HERC5: variants seen among roughly 807,000 people sequenced by gnomAD.
HERC5 encodes HECT and RLD domain containing E3 ubiquitin protein ligase 5.
Under a neutral mutation model 119.6 loss-of-function variants are expected in HERC5, and 99 were observed. The ratio of observed to expected loss-of-function variants is 0.83; its 90% CI spans 0.70 to 0.98. The LOEUF is 0.98. Ranked by LOEUF, HERC5 falls within the 50% of genes least tolerant of loss-of-function variation. The pLI is 0.00. For missense variants in HERC5, 1,267 were observed against 1,241.3 expected (o/e 1.02, Z -0.31); for synonymous variants, 478 against 445.9 (o/e 1.07, Z -0.91).
chr4:88,457,511 G>C lies in HERC5; in HGVS notation c.242G>C (p.Gly81Ala), dbSNP rs1056331994. The change falls in exon 1 of 23, where the codon GGG becomes GCG. Residue 81 changes from glycine (G) to alanine (A), a missense_variant. Around this residue, in one of 3 missense-constraint regions of HERC5, gnomAD observed 777 missense variants for 758.0 expected, o/e 1.03. Transcript: ENST00000264350. ...AGVQVHQLLA[G>A]SGGARTPKCI... ...GTCCAGGTTCACCAGCTGCTCGCCG[G>C]GAGCGGCGGCGCCCGGACGCCGAGT... 21 of 1,283,766 alleles carry C rather than the reference G, an allele frequency of 1.6e-5. No homozygotes were observed. The highest frequency in any genetic ancestry group is 1.6e-5 in the Non-Finnish European group (16 of 1,015,646). 79.5% of individuals were successfully genotyped at this position (1,283,766 alleles called of 1,614,324 possible). A position where few individuals can be genotyped will look rare whatever the true frequency, so the allele number is the denominator to read the frequency against.
intron 2 of HERC5, 99 bp downstream of exon 2, chr4:88,459,569 T>C (rs566131974): frequency 1.1e-4 from 79 of 732,278 alleles, no homozygotes; most frequent in Non-Finnish European, 1.4e-4. Context: ...CTTTATATAG[T>C]AGCATCTTAA....
Position 88,462,207 on chromosome 4 carries a change from C to A in HERC5, c.539C>A (p.Thr180Asn), listed in dbSNP as rs1740467323. 1.2e-6 allele frequency: 2 copies of A among 1,614,040 alleles called. No homozygotes were observed. The highest frequency in any genetic ancestry group is 2.7e-5 in the African/African-American group (2 of 74,914). Residue 180 changes from threonine to asparagine, a missense_variant, in exon 4 of 23, where the codon ACC becomes AAC. By Grantham distance (65) the Thr-to-Asn change is moderately conservative. Around this residue, in one of 3 missense-constraint regions of HERC5, gnomAD observed 777 missense variants for 758.0 expected, o/e 1.03. Coordinates refer to ENST00000264350, the MANE Select transcript of HERC5 (RefSeq NM_016323.4). ...GTTGGAAGGAAATTTCCCTCAACCA[C>A]CACACCACAGATTGTGGAGCACCTC... is the stretch of plus-strand genomic sequence containing the variant. ...LGVGRKFPST[T>N]TPQIVEHLAG...
Position 88,486,142 on chromosome 4 carries a change from G to A in HERC5, c.1765G>A (p.Glu589Lys), listed in dbSNP as rs1282852824. The change falls in exon 14 of 23, where the codon GAA (glutamate) becomes AAA (lysine). Residue 589 changes from glutamate (E) to lysine (K), a missense_variant. Physicochemically the swap from Glu to Lys is moderately conservative, Grantham distance 56. Transcript: ENST00000264350. ...AAACCAGGTGAAATGTCAACTACCT[G>A]AAAGTATTTTCCAAGTAGACGAACT... ...RVNQVKCQLPESIFQVDELLH... is the reference protein window; with the variant it reads ...RVNQVKCQLPKSIFQVDELLH... 2 of 1,611,330 alleles carry A rather than the reference G, an allele frequency of 1.2e-6. No individual in the cohort carries two copies. Among genetic ancestry groups the A allele is most frequent in the African/African-American group, 2.7e-5 (2 of 74,858 alleles).
At chr4:88,469,089 C>A in intron 8 of HERC5, 68 bp from the exon 9 acceptor site, 2 of 955,910 alleles carry the variant, frequency 2.1e-6, no homozygotes, top group Non-Finnish European at 1.7e-6. Flanking sequence ...CTAGAGTGTA[C>A]CTAAAAGTTG....
At chr4:88,469,301 C>T in intron 9 of HERC5, 41 bp downstream of exon 9, 1 of 1,344,798 alleles carries the variant, frequency 7.4e-7, no homozygotes, top group South Asian at 1.2e-5. Context: ...ATATCACTCT[C>T]AAGTATCATT....
chr4:88,475,569 G>A (rs1164899763), intron 11 of HERC5, among the ~76,000 whole-genome samples: 1 of 151,712 alleles, frequency 6.6e-6, no homozygotes, highest in African/African-American at 2.4e-5. Context: ...TGCCTGCCTC[G>A]GCCTCCCAAA....
chr4:88,487,791 G>A (rs1207876655), intron 15 of HERC5, among the ~76,000 whole-genome samples: 1 of 152,066 alleles, frequency 6.6e-6, no homozygotes, highest in Non-Finnish European at 1.5e-5. Flanking sequence ...TAGTAAAATT[G>A]GGCAATTGAA....
intron 6 of HERC5, among the ~76,000 whole-genome samples, chr4:88,464,778 TA>T (rs1298253816): frequency 6.6e-5 from 10 of 152,014 alleles, no homozygotes; most frequent in African/African-American, 1.4e-4. Context: ...ATTTATTTAT[TA>T]TTTTTTTTTG....
intron 2 of HERC5, 51 bp downstream of exon 2, chr4:88,459,521 A>G: frequency 1.7e-6 from 2 of 1,149,970 alleles, no homozygotes; most frequent in Middle Eastern, 2.3e-4. Flanking sequence ...AAAAGACAAT[A>G]ATAATTTCTG....
At chr4:88,479,753 C>T (rs919380860) in intron 13 of HERC5, among the ~76,000 whole-genome samples, 1 of 151,840 alleles carries the variant, frequency 6.6e-6, no homozygotes, top group African/African-American at 2.4e-5. Flanking sequence ...AAAAATAAAA[C>T]ATTTCCAGTA....
intron 6 of HERC5, among the ~76,000 whole-genome samples, chr4:88,465,915 A>G (rs939301042): frequency 6.6e-6 from 1 of 152,234 alleles, no homozygotes; most frequent in Non-Finnish European, 1.5e-5. Context: ...ATAATGTGAC[A>G]GGACATACAG....
intron 13 of HERC5, among the ~76,000 whole-genome samples, chr4:88,479,894 C>T (rs529576200): frequency 2.6e-5 from 4 of 152,012 alleles, no homozygotes; most frequent in East Asian, 1.9e-4. Context: ...GGTGAAACCC[C>T]GTCTCTATTA....
Position 88,459,380 on chromosome 4 carries a change from A to G in HERC5, c.299A>G (p.His100Arg). ...CIKLGKNMKI[H>R]SVDQGAEHML... is the part of the protein sequence containing the mutation. Reference sequence around the variant, plus strand: ...AAATTAGGAAAAAACATGAAGATACATTCCGTGGACCAAGGAGCAGAGCAC... The same window carrying G: ...AAATTAGGAAAAAACATGAAGATACGTTCCGTGGACCAAGGAGCAGAGCAC... The change falls in exon 2 of 23, where the codon CAT (histidine) becomes CGT (arginine). Residue 100 changes from histidine to arginine, a missense_variant. Transcript: ENST00000264350. 7 of 1,594,150 alleles carry G rather than the reference A, an allele frequency of 4.4e-6. No individual in the cohort carries two copies. The highest frequency in any genetic ancestry group is 6.0e-6 in the Non-Finnish European group (7 of 1,172,568).
intron 1 of HERC5, chr4:88,457,782 G>T (rs947608076): frequency 1.5e-5 from 10 of 657,478 alleles, no homozygotes; most frequent in Middle Eastern, 9.4e-4. Flanking sequence ...GGCCGGTGCG[G>T]GGCATGCGGG....
intron 9 of HERC5, among the ~76,000 whole-genome samples, chr4:88,470,015 A>G (rs1204897197): frequency 2.6e-5 from 4 of 152,212 alleles, no homozygotes; most frequent in African/African-American, 7.2e-5. Flanking sequence ...AATTTGTACC[A>G]TTCTTCTCTA....
intron 9 of HERC5, 39 bp downstream of exon 9, chr4:88,469,299 C>T (rs1740784077): frequency 7.4e-7 from 1 of 1,355,812 alleles, no homozygotes; most frequent in African/African-American, 1.4e-5. Context: ...ATATATCACT[C>T]TCAAGTATCA....
At chr4:88,458,652 A>G (rs1420309732) in intron 1 of HERC5, among the ~76,000 whole-genome samples, 2 of 152,168 alleles carry the variant, frequency 1.3e-5, no homozygotes, top group Admixed American at 6.5e-5. Flanking sequence ...TGAGATTTTT[A>G]CACGAATAGA....
intron 13 of HERC5, among the ~76,000 whole-genome samples, chr4:88,485,682 C>T (rs894196876): frequency 6.6e-5 from 10 of 152,088 alleles, no homozygotes; most frequent in African/African-American, 1.9e-4. Flanking sequence ...CTGATCATAT[C>T]ATATGGGATG....
intron 16 of HERC5, among the ~76,000 whole-genome samples, chr4:88,490,384 T>C (rs1439930363): frequency 6.6e-6 from 1 of 152,230 alleles, no homozygotes; most frequent in East Asian, 1.9e-4. Flanking sequence ...TCAGAGGATT[T>C]GGGCCTGGCC....
Sources: gnomAD v4.1 joint callset for allele counts (sites outside exome capture counted in the v4.1 genomes callset) on GRCh38, gnomAD v4.1.1 for gene constraint, gnomAD v4.1.1 regional missense constraint, MANE v1.5 for transcripts, NCBI Gene and HGNC (gene_info 2026-07-23, HGNC 2026-07-21) for gene names.